The following NUDT19 variants were observed in gnomAD, a reference collection of about 807,000 sequenced individuals.
NUDT19 encodes nudix hydrolase 19.
A neutral mutation model predicts 22.2 loss-of-function variants in NUDT19; 31 were observed. The observed-to-expected ratio is 1.40, with a 90% CI of 1.05 to 1.89. NUDT19 has a LOEUF of 1.89. Among genes scored for constraint, NUDT19 ranks in the 40% most tolerant of loss-of-function variants. The probability of loss-of-function intolerance (pLI) is 0.00; values close to 1 mark genes in which losing one functional copy is unlikely to be tolerated. For synonymous variants in NUDT19, 325 were observed against 230.8 expected, an observed-to-expected ratio of 1.41 and a Z score of -3.70; for missense variants, 752 against 514.2, an observed-to-expected ratio of 1.46 and a Z score of -4.47.
At chr19:32,710,981 A>C (rs547971817) in intron 2 of NUDT19, among the ~76,000 whole-genome samples, 3 of 152,302 alleles carry the variant, frequency 2.0e-5, no homozygotes, top group African/African-American at 7.2e-5. Context: ...GAAGATGATA[A>C]GAACAGCCCA....
chr19:32,706,430 A>G (rs1226002767), intron 1 of NUDT19, among the ~76,000 whole-genome samples: 1 of 152,188 alleles, frequency 6.6e-6, no homozygotes, highest in Non-Finnish European at 1.5e-5. Flanking sequence ...CATGCCTGTA[A>G]TCCCAACCCC....
Position 32,692,145 on chromosome 19 carries a change from TCTC to T in NUDT19, c.187_189del (p.Ser63del). ...GGCTTCATGCCGGGCGCGCACGTCT[TCTC>T]CGGCGGAGTGCTGGATGCGGCCGAC... On this transcript the variant is annotated inframe_deletion, in exon 1 of 3. Coordinates refer to ENST00000397061, the MANE Select transcript of NUDT19 (RefSeq NM_001105570.2). 2.0e-6 allele frequency: 3 copies of T among 1,498,214 alleles called. No individual in the cohort carries two copies. The highest frequency in any genetic ancestry group is 2.6e-6 in the Non-Finnish European group (3 of 1,133,138). 92.8% of individuals were successfully genotyped at this position (1,498,214 alleles called of 1,614,324 possible).
At chr19:32,704,618 A>G (rs1417883298) in intron 1 of NUDT19, among the ~76,000 whole-genome samples, 1 of 152,126 alleles carries the variant, frequency 6.6e-6, no homozygotes, top group Non-Finnish European at 1.5e-5. Flanking sequence ...TTGTATCTTT[A>G]CAGCATTGTT....
At position 32,713,576 on chromosome 19, in the gene NUDT19, T is replaced by G. The variant is rs1472330309; in HGVS notation, c.*1619T>G. On this transcript the variant is annotated 3_prime_UTR_variant, in exon 3 of 3. Coordinates refer to ENST00000397061, the MANE Select transcript of NUDT19 (RefSeq NM_001105570.2). The stretch of plus-strand genomic sequence containing the variant: ...GTAGTGTTTGATTAATGATGTTTAT[T>G]TTTACTGTATTTAATATGAGTAATT... 6.6e-6 allele frequency: 1 copy of G among 152,184 alleles called. No individual in the cohort carries two copies. The highest frequency in any genetic ancestry group is 1.5e-5 in the Non-Finnish European group (1 of 68,040). 9.4% of individuals were successfully genotyped at this position (152,184 alleles called of 1,614,324 possible).
rs1394120353 is a variant in NUDT19 at position 32,692,285 on chromosome 19, GACC to G, written c.328_330del (p.His110del). On this transcript the variant is annotated inframe_deletion, in exon 1 of 3. Transcript: ENST00000397061. ...TTTCCCGTCGCTGCCCGACACCGATGACCACAAGACCGACAACACTGGGACGCT... is the reference window on the plus strand; with the variant it reads ...TTTCCCGTCGCTGCCCGACACCGATGACAAGACCGACAACACTGGGACGCT... 6.3e-7 allele frequency: 1 copy of G among 1,592,796 alleles called. No individual in the cohort carries two copies. The highest frequency in any genetic ancestry group is 8.5e-7 in the Non-Finnish European group (1 of 1,177,692).
In NUDT19 at chr19:32,691,874, C is replaced by A; in HGVS notation, c.-87C>A. ...GCTCGTCCTCAATTCCCGCGAGGCC[C>A]CCGGAGGTGCTGGGGTCCCTGCAGG... On this transcript the variant is annotated 5_prime_UTR_variant, in exon 1 of 3. Coordinates refer to ENST00000397061, the MANE Select transcript of NUDT19 (RefSeq NM_001105570.2). 1.4e-6 allele frequency: 1 copy of A among 724,926 alleles called. No individual in the cohort carries two copies. Among genetic ancestry groups the A allele is most frequent in the Non-Finnish European group, 1.9e-6 (1 of 537,678 alleles). 44.9% of individuals were successfully genotyped at this position (724,926 alleles called of 1,614,324 possible).
chr19:32,695,738 G>C (rs1021968942), intron 1 of NUDT19, among the ~76,000 whole-genome samples: 3 of 152,166 alleles, frequency 2.0e-5, no homozygotes, highest in Middle Eastern at 3.2e-3. Flanking sequence ...TGATTTCCTT[G>C]TGGTATTTAA....
At position 32,692,472 on chromosome 19, in the gene NUDT19, T is replaced by A; in HGVS notation, c.512T>A (p.Val171Glu). 1.3e-6 allele frequency: 2 copies of A among 1,549,706 alleles called. No homozygotes were observed. Among genetic ancestry groups the A allele is most frequent in the Non-Finnish European group, 1.7e-6 (2 of 1,151,462 alleles). Reference protein sequence around the residue: ...PPGLASWRDRVRQDPRHFLRL... With the variant: ...PPGLASWRDRERQDPRHFLRL... The stretch of plus-strand genomic sequence containing the variant: ...GGCCTGGCCTCCTGGCGCGACCGCG[T>A]GCGCCAGGACCCGCGCCACTTCCTG... The change falls in exon 1 of 3, where the codon GTG (valine) becomes GAG (glutamate). Residue 171 changes from valine (V) to glutamate (E), a missense_variant. Transcript: ENST00000397061.
rs1194739618 is a variant in NUDT19 at position 32,712,841 on chromosome 19, ATTGTT to A, written c.*887_*891del. On this transcript the variant is annotated 3_prime_UTR_variant, in exon 3 of 3. Coordinates refer to ENST00000397061, the MANE Select transcript of NUDT19 (RefSeq NM_001105570.2). Reference sequence around the variant, plus strand: ...ATTTCACAAGGGTTCCTACTTCTGTATTGTTTTATTATCTCAAAAATTTAAATAAC... The same window carrying A: ...ATTTCACAAGGGTTCCTACTTCTGTATTATTATCTCAAAAATTTAAATAAC... 1.3e-5 allele frequency: 2 copies of A among 152,252 alleles called. No individual in the cohort carries two copies. Among genetic ancestry groups the A allele is most frequent in the East Asian group, 1.9e-4 (1 of 5,178 alleles). 9.4% of individuals were successfully genotyped at this position (152,252 alleles called of 1,614,324 possible).
chr19:32,701,291 T>C (rs1315326973), intron 1 of NUDT19, among the ~76,000 whole-genome samples: 1 of 144,866 alleles, frequency 6.9e-6, no homozygotes, highest in East Asian at 2.2e-4. Flanking sequence ...CTGAAACCTC[T>C]GCCTCCCAGG....
intron 1 of NUDT19, among the ~76,000 whole-genome samples, chr19:32,699,242 T>C (rs1243971707): frequency 6.6e-6 from 1 of 152,030 alleles, no homozygotes; most frequent in Non-Finnish European, 1.5e-5. Context: ...ATGGAGTGGT[T>C]TTTAGAAGTG....
At chr19:32,693,524 G>A (rs1968228731) in intron 1 of NUDT19, among the ~76,000 whole-genome samples, 1 of 152,216 alleles carries the variant, frequency 6.6e-6, no homozygotes, top group South Asian at 2.1e-4. Flanking sequence ...GATCAGAGCA[G>A]GTTGGGTGCT....
chr19:32,694,889 A>C (rs1312806826), intron 1 of NUDT19, among the ~76,000 whole-genome samples: 6 of 152,224 alleles, frequency 3.9e-5, no homozygotes, highest in African/African-American at 1.2e-4. Flanking sequence ...CTTCTGTAAG[A>C]GTTTCCTTAT....
chr19:32,693,984 AGGCCAGTGAAAG>A (rs1455726988), intron 1 of NUDT19, among the ~76,000 whole-genome samples: 2 of 152,238 alleles, frequency 1.3e-5, no homozygotes, highest in African/African-American at 4.8e-5. Context: ...GGAACTCTCT[AGGCCAGTGAAAG>A]GGCCAGTGGG....
chr19:32,695,372 G>T (rs1441825430), intron 1 of NUDT19, among the ~76,000 whole-genome samples: 1 of 152,082 alleles, frequency 6.6e-6, no homozygotes, highest in African/African-American at 2.4e-5. Flanking sequence ...TAGAGACGGG[G>T]TTTCACCATG....
At chr19:32,711,559 C>G (rs1231674354) in intron 2 of NUDT19, among the ~76,000 whole-genome samples, 193 bp from the exon 3 acceptor site, 1 of 151,996 alleles carries the variant, frequency 6.6e-6, no homozygotes, top group Admixed American at 6.6e-5. Flanking sequence ...TTAAATAGAT[C>G]AAAATAAATA....
chr19:32,701,971 C>T lies in NUDT19; in HGVS notation c.715-7214C>T, dbSNP rs200176404. On this transcript the variant is annotated intron_variant, in intron 1 of 2. Coordinates refer to ENST00000397061, the MANE Select transcript of NUDT19 (RefSeq NM_001105570.2). ...GTTTGAGACCAGCCCAGCAACATAG[C>T]GAAACCCCATCTATATTAAAAATAC... Among the ~76,000 whole-genome samples, 6 of 152,236 alleles carry T rather than the reference C, an allele frequency of 3.9e-5. No homozygotes were observed. In the East Asian group the frequency reaches 1.2e-3, roughly 29 times the overall value.
chr19:32,706,779 G>A (rs1968391782), intron 1 of NUDT19, among the ~76,000 whole-genome samples: 1 of 152,208 alleles, frequency 6.6e-6, no homozygotes, highest in South Asian at 2.1e-4. Flanking sequence ...GAAGAGCATA[G>A]TTTGTATAAG....
chr19:32,692,412 C>T lies in NUDT19; in HGVS notation c.452C>T (p.Ala151Val), dbSNP rs916986839. 7.7e-6 allele frequency: 12 copies of T among 1,563,706 alleles called. No homozygotes were observed. Among genetic ancestry groups the T allele is most frequent in the Non-Finnish European group, 1.0e-5 (12 of 1,162,540 alleles). ...CCCAGGACTTCCCCACCAGGCCCAG[C>T]ACCCGGGCCTGGCCTCGCCCTGGAG... The part of the protein sequence containing the change: ...LRPRTSPPGP[A>V]PGPGLALEPP... Residue 151 changes from alanine (A) to valine (V), a missense_variant, in exon 1 of 3, where the codon GCA becomes GTA. Coordinates refer to ENST00000397061, the MANE Select transcript of NUDT19 (RefSeq NM_001105570.2).
Sources: allele counts gnomAD v4.1 joint callset (sites outside exome capture counted in the v4.1 genomes callset), GRCh38; gene constraint gnomAD v4.1.1; transcripts MANE v1.5; gene names NCBI Gene and HGNC (gene_info 2026-07-23, HGNC 2026-07-21).